The following SLC13A4 variants were observed in gnomAD, a reference collection of about 807,000 sequenced individuals.
SLC13A4 encodes the protein solute carrier family 13 member 4, also known as Na(+)/sulfate cotransporter SUT-1.
SLC13A4 carries 28 observed loss-of-function variants against 72.7 expected under a neutral mutation model. That is an observed-to-expected ratio of 0.39 (90% confidence interval 0.29 to 0.53). The LOEUF (loss-of-function observed/expected upper bound fraction) is 0.53, where lower values mean the gene tolerates loss of function less well. SLC13A4 is among the 20% of genes least tolerant of loss of function. The probability of loss-of-function intolerance (pLI) is 0.78; values close to 1 mark genes in which losing one functional copy is unlikely to be tolerated. For synonymous variants in SLC13A4, 312 were observed against 325.5 expected, an observed-to-expected ratio of 0.96 and a Z score of 0.45; for missense variants, 653 against 788.0, an observed-to-expected ratio of 0.83 and a Z score of 2.05.
In SLC13A4 at chr7:135,727,334, C is replaced by G; in HGVS notation, c.99+64G>C. On this transcript the variant is annotated intron_variant, in intron 1 of 15. Coordinates refer to ENST00000682651, the MANE Select transcript of SLC13A4 (RefSeq NM_001318192.2). The stretch of plus-strand genomic sequence containing the variant: ...GCCTGAGCGCCCCATGTTCCCCTAC[C>G]GACCTCCCCTCTTTGCCCTCCCACT... 3.3e-6 allele frequency: 5 copies of G among 1,527,124 alleles called. No individual in the cohort carries two copies. In the East Asian group the frequency reaches 7.5e-5, roughly 23 times the overall value. The allele number at this position is 1,527,124 out of a possible 1,614,324, so 94.6% of individuals were successfully genotyped here. A position where few individuals can be genotyped will look rare whatever the true frequency, so the allele number is the denominator to read the frequency against.
intron 2 of SLC13A4, 97 bp from the exon 3 acceptor site, chr7:135,708,347 CTCAA>C (rs1796217441): frequency 5.3e-6 from 8 of 1,523,260 alleles, no homozygotes; most frequent in South Asian, 2.5e-5. Context: ...AAAACCTGTT[CTCAA>C]TCAAAGAGGC....
At chr7:135,715,758 A>C (rs1427313041) in intron 2 of SLC13A4, among the ~76,000 whole-genome samples, 1 of 152,220 alleles carries the variant, frequency 6.6e-6, no homozygotes, top group Non-Finnish European at 1.5e-5. Flanking sequence ...TGCCCAGGCT[A>C]TAAACTTTTG....
At chr7:135,695,042 G>A (rs190241024) in intron 9 of SLC13A4, among the ~76,000 whole-genome samples, 1 of 152,310 alleles carries the variant, frequency 6.6e-6, no homozygotes, top group African/African-American at 2.4e-5. Flanking sequence ...GTAATTGGAA[G>A]TGCTCTGTAT....
chr7:135,713,460 G>T (rs1476810068), intron 2 of SLC13A4, among the ~76,000 whole-genome samples: 4 of 152,108 alleles, frequency 2.6e-5, no homozygotes, highest in Non-Finnish European at 5.9e-5. Flanking sequence ...CTGTACCTCT[G>T]TCACCAATTT....
intron 11 of SLC13A4, 144 bp downstream of exon 11, chr7:135,692,177 TTC>T (rs1795802718): frequency 4.4e-6 from 3 of 687,326 alleles, no homozygotes; most frequent in Non-Finnish European, 5.1e-6. Context: ...CCTTCCTGAT[TTC>T]ACACTGCAGC....
intron 1 of SLC13A4, among the ~76,000 whole-genome samples, chr7:135,726,402 C>T (rs1238976474): frequency 6.6e-6 from 1 of 152,154 alleles, no homozygotes; most frequent in African/African-American, 2.4e-5. Flanking sequence ...CTCTGTTTAA[C>T]TGTTTAACTT....
At chr7:135,682,749 C>T (rs1584711764) in intron 15 of SLC13A4, among the ~76,000 whole-genome samples, 1 of 152,204 alleles carries the variant, frequency 6.6e-6, no homozygotes, top group East Asian at 1.9e-4. Flanking sequence ...GGGAATAGTG[C>T]CCAAGACTGG....
chr7:135,701,453 T>G (rs186806775), intron 7 of SLC13A4, among the ~76,000 whole-genome samples: 159 of 152,302 alleles, frequency 1.0e-3, no homozygotes, highest in African/African-American at 3.5e-3. Flanking sequence ...ACCCCAGCTT[T>G]TATCGTTGAA....
intron 2 of SLC13A4, among the ~76,000 whole-genome samples, chr7:135,720,686 C>CTGTTT (rs1796528569): frequency 6.6e-6 from 1 of 151,318 alleles, no homozygotes; most frequent in African/African-American, 2.4e-5. Context: ...CAGGTTCTGG[C>CTGTTT]TGTTTTGTTT....
intron 15 of SLC13A4, among the ~76,000 whole-genome samples, chr7:135,683,081 C>A (rs1242285755): frequency 6.6e-6 from 1 of 151,904 alleles, no homozygotes; most frequent in Non-Finnish European, 1.5e-5. Flanking sequence ...GGCAGATCAT[C>A]TGAAGCCAGT....
intron 8 of SLC13A4, among the ~76,000 whole-genome samples, chr7:135,697,794 C>T (rs1187839919): frequency 1.3e-5 from 2 of 152,090 alleles, no homozygotes; most frequent in Non-Finnish European, 2.9e-5. Context: ...TTTATGTGCT[C>T]CGCTGTCCTG....
At chr7:135,691,403 T>TG in intron 12 of SLC13A4, 78 bp from the exon 13 acceptor site, 1 of 1,305,942 alleles carries the variant, frequency 7.7e-7, no homozygotes, top group Non-Finnish European at 1.0e-6. Context: ...ATTGGTGAAG[T>TG]GGATGATTTG....
At chr7:135,697,793 T>C (rs1795937219) in intron 8 of SLC13A4, among the ~76,000 whole-genome samples, 1 of 152,124 alleles carries the variant, frequency 6.6e-6, no homozygotes, top group Non-Finnish European at 1.5e-5. Context: ...TTTTATGTGC[T>C]CCGCTGTCCT....
At chr7:135,716,704 C>T (rs1796441017) in intron 2 of SLC13A4, among the ~76,000 whole-genome samples, 1 of 152,192 alleles carries the variant, frequency 6.6e-6, no homozygotes, top group Non-Finnish European at 1.5e-5. Flanking sequence ...GGATTCAAGT[C>T]CCAGCTCCAC....
intron 10 of SLC13A4, 70 bp downstream of exon 10, chr7:135,694,067 T>C: frequency 1.1e-6 from 1 of 909,322 alleles, no homozygotes; most frequent in Non-Finnish European, 1.8e-6. Flanking sequence ...GGAACAGGGC[T>C]GCTCCTGTGC....
intron 2 of SLC13A4, among the ~76,000 whole-genome samples, chr7:135,714,886 A>C (rs1796378961): frequency 6.6e-6 from 1 of 152,226 alleles, no homozygotes; most frequent in African/African-American, 2.4e-5. Flanking sequence ...CGGGAGCTGG[A>C]AGCTGAGTGA....
intron 7 of SLC13A4, among the ~76,000 whole-genome samples, chr7:135,700,174 C>T (rs566704632): frequency 1.4e-4 from 21 of 152,308 alleles, no homozygotes; most frequent in Non-Finnish European, 3.1e-4. Flanking sequence ...ATTCTTTTCT[C>T]CTTGCCTGAC....
intron 9 of SLC13A4, among the ~76,000 whole-genome samples, chr7:135,694,517 C>T (rs908557501): frequency 1.6e-4 from 24 of 152,134 alleles, no homozygotes; most frequent in African/African-American, 4.1e-4. Context: ...CAAGTGTATT[C>T]GTGTGGGGTC....
At chr7:135,713,983 A>T (rs1331644940) in intron 2 of SLC13A4, among the ~76,000 whole-genome samples, 1 of 152,062 alleles carries the variant, frequency 6.6e-6, no homozygotes, top group African/African-American at 2.4e-5. Context: ...GCCCCACAGG[A>T]CTCCATTCCA....
Sources: gnomAD v4.1 joint callset for allele counts (sites outside exome capture counted in the v4.1 genomes callset) on GRCh38, gnomAD v4.1.1 for gene constraint, MANE v1.5 for transcripts, NCBI Gene and HGNC (gene_info 2026-07-23, HGNC 2026-07-21) for gene names.